Variants in SMYD3 observed in about 807,000 individuals in gnomAD.
SMYD3 encodes the protein SET and MYND domain containing 3.
Under a neutral mutation model 57.7 loss-of-function variants are expected in SMYD3, and 36 were observed. The observed-to-expected ratio is 0.62, with a 90% CI of 0.48 to 0.82. SMYD3 has a LOEUF of 0.82. Ranked by LOEUF, SMYD3 falls within the 40% of genes least tolerant of loss-of-function variation. SMYD3 has a pLI of 0.00. For synonymous variants in SMYD3, 211 were observed against 195.0 expected (o/e 1.08, Z -0.68); for missense variants, 515 against 538.8 (o/e 0.96, Z 0.44).
At chr1:246,021,807 G>GA (rs1406205277) in intron 5 of SMYD3, among the ~76,000 whole-genome samples, 1 of 152,090 alleles carries the variant, frequency 6.6e-6, no homozygotes, top group South Asian at 2.1e-4. Flanking sequence ...CATTCAAATG[G>GA]AAAATGGAAA....
intron 1 of SMYD3, among the ~76,000 whole-genome samples, chr1:246,459,409 G>A (rs1391166297): frequency 2.0e-5 from 3 of 151,192 alleles, no homozygotes; most frequent in East Asian, 1.9e-4. Context: ...CAGAGTTCTC[G>A]CGAGATCTTG....
At chr1:245,825,070 C>T (rs866313137) in intron 10 of SMYD3, among the ~76,000 whole-genome samples, 14 of 152,214 alleles carry the variant, frequency 9.2e-5, no homozygotes, top group Middle Eastern at 3.4e-3. Flanking sequence ...AATGTAAACT[C>T]GCCAAGAGCT....
At chr1:245,882,238 G>A (rs766424289) in intron 8 of SMYD3, among the ~76,000 whole-genome samples, 4 of 152,122 alleles carry the variant, frequency 2.6e-5, no homozygotes, top group Non-Finnish European at 5.9e-5. Flanking sequence ...TCTGTCAATC[G>A]TGAGGTCTTG....
At chr1:246,051,993 T>C (rs184103360) in intron 5 of SMYD3, among the ~76,000 whole-genome samples, 46 of 152,330 alleles carry the variant, frequency 3.0e-4, no homozygotes, top group Admixed American at 9.8e-4. Flanking sequence ...TAAATCTAAC[T>C]CATCATCTTT....
At chr1:245,849,657 A>ATTAAT (rs1553340614) in intron 10 of SMYD3, among the ~76,000 whole-genome samples, 4 of 110,948 alleles carry the variant, frequency 3.6e-5, no homozygotes, top group Non-Finnish European at 7.5e-5. Flanking sequence ...ATTTTATATT[A>ATTAAT]TTTATTTTAT....
chr1:245,777,489 C>T (rs2046653431), intron 10 of SMYD3, among the ~76,000 whole-genome samples: 1 of 152,070 alleles, frequency 6.6e-6, no homozygotes, highest in African/African-American at 2.4e-5. Context: ...TCCCATCTAC[C>T]ATTCACCCCC....
intron 8 of SMYD3, among the ~76,000 whole-genome samples, chr1:245,870,442 G>A (rs1195931098): frequency 6.6e-6 from 1 of 152,130 alleles, no homozygotes; most frequent in African/African-American, 2.4e-5. Context: ...ACCTCTCCTG[G>A]CTTCTACCTC....
At chr1:246,117,891 T>A (rs1332578625) in intron 5 of SMYD3, among the ~76,000 whole-genome samples, 1 of 106,592 alleles carries the variant, frequency 9.4e-6, no homozygotes, top group African/African-American at 5.9e-5. Flanking sequence ...TACATATTCT[T>A]TCTGTGACAG....
chr1:245,817,026 G>C (rs907012125), intron 10 of SMYD3, among the ~76,000 whole-genome samples: 19 of 151,528 alleles, frequency 1.3e-4, no homozygotes, highest in South Asian at 6.3e-4. Flanking sequence ...CGGGAAGCTC[G>C]AACTGGGTGG....
chr1:246,224,151 G>A (rs903529278), intron 5 of SMYD3, among the ~76,000 whole-genome samples: 9 of 151,968 alleles, frequency 5.9e-5, no homozygotes, highest in South Asian at 2.1e-4. Context: ...GCTCAGAGAC[G>A]ATGAACAGAT....
chr1:245,811,018 T>G (rs142333267), intron 10 of SMYD3, among the ~76,000 whole-genome samples: 1 of 152,232 alleles, frequency 6.6e-6, no homozygotes, highest in Non-Finnish European at 1.5e-5. Context: ...CCAGGCTCAC[T>G]GATGCATCTT....
chr1:246,034,915 T>A (rs1254846860), intron 5 of SMYD3, among the ~76,000 whole-genome samples: 7 of 152,192 alleles, frequency 4.6e-5, no homozygotes. Context: ...GGCTACTTTA[T>A]AAGTATACTT....
At chr1:246,490,506 AG>A (rs1205128570) in intron 1 of SMYD3, among the ~76,000 whole-genome samples, 1 of 152,250 alleles carries the variant, frequency 6.6e-6, no homozygotes, top group Admixed American at 6.5e-5. Flanking sequence ...CTAAGACCAC[AG>A]GGCAAATAAC....
chr1:246,157,657 C>T (rs913066136), intron 5 of SMYD3, among the ~76,000 whole-genome samples: 4 of 152,106 alleles, frequency 2.6e-5, no homozygotes, highest in Non-Finnish European at 4.4e-5. Context: ...TTTTTTCCCC[C>T]CCATAGGTCA....
chr1:245,925,477 G>C (rs2056304331), intron 7 of SMYD3, among the ~76,000 whole-genome samples: 2 of 152,134 alleles, frequency 1.3e-5, no homozygotes, highest in African/African-American at 4.8e-5. Flanking sequence ...TCTGCTCCAA[G>C]GGGTCAGTTT....
intron 5 of SMYD3, among the ~76,000 whole-genome samples, chr1:246,002,288 C>A (rs112327434): frequency 1.7e-5 from 2 of 120,778 alleles, no homozygotes; most frequent in Non-Finnish European, 3.7e-5. Context: ...GGGTTCACGC[C>A]ATTCTCCTGC....
At chr1:245,943,211 T>G (rs1427692346) in intron 5 of SMYD3, among the ~76,000 whole-genome samples, 1 of 10,312 alleles carries the variant, frequency 9.7e-5, no homozygotes, top group Non-Finnish European at 1.3e-3. Context: ...GGGGCTGAGT[T>G]TTTTTTTTTT....
intron 1 of SMYD3, among the ~76,000 whole-genome samples, chr1:246,381,815 T>C (rs1355380458): frequency 6.6e-6 from 1 of 152,212 alleles, no homozygotes; most frequent in Non-Finnish European, 1.5e-5. Flanking sequence ...AGCTGTCACC[T>C]ATGGGATCCA....
Position 245,886,682 on chromosome 1 carries a change from C to A in SMYD3, c.814-22796G>T, listed in dbSNP as rs1392603562. ...AAGCAGCTCTCTACAAGCTCTTCTT[C>A]TGGGTGTAATGATGTGAAAACCATG... On this transcript the variant is annotated intron_variant, in intron 8 of 11. Transcript: ENST00000490107. Among the ~76,000 whole-genome samples, 6 of 152,182 alleles carry A rather than the reference C, an allele frequency of 3.9e-5. No homozygotes were observed. In the East Asian group the frequency reaches 9.6e-4, roughly 24 times the overall value.
Sources: gnomAD v4.1 joint callset for allele counts (sites outside exome capture counted in the v4.1 genomes callset) on GRCh38, gnomAD v4.1.1 for gene constraint, MANE v1.5 for transcripts, NCBI Gene and HGNC (gene_info 2026-07-23, HGNC 2026-07-21) for gene names.